The following MYH15 variants were observed in gnomAD, a reference collection of about 807,000 sequenced individuals.
MYH15 encodes myosin heavy chain 15.
Under a neutral mutation model 240.5 loss-of-function variants are expected in MYH15, and 227 were observed. That is an observed-to-expected ratio of 0.94 (90% CI 0.85 to 1.05). The LOEUF is 1.05. MYH15 is among the 50% of genes least tolerant of loss of function. The pLI is 0.00. For synonymous variants in MYH15, 785 were observed against 796.7 expected, an observed-to-expected ratio of 0.99 and a Z score of 0.25; for missense variants, 2,217 against 2,247.5, an observed-to-expected ratio of 0.99 and a Z score of 0.27.
chr3:108,492,736 C>T (rs2083361102), intron 8 of MYH15, 141 bp from the exon 9 acceptor site: 2 of 619,448 alleles, frequency 3.2e-6, no homozygotes, highest in Admixed American at 5.7e-5. Context: ...CACTTGAGGC[C>T]AGGAGTTTGA....
At chr3:108,437,458 T>A (rs2082848666) in intron 25 of MYH15, 96 bp downstream of exon 25, 2 of 1,443,108 alleles carry the variant, frequency 1.4e-6, no homozygotes, top group South Asian at 1.5e-5. Flanking sequence ...TCTTGAGCTA[T>A]CTGGCCCTGG....
At chr3:108,499,522 G>T (rs201030818) in intron 4 of MYH15, 40 bp from the exon 5 acceptor site, 2 of 1,573,874 alleles carry the variant, frequency 1.3e-6, no homozygotes, top group South Asian at 1.1e-5. Flanking sequence ...TCTTATATTC[G>T]ATATTTATGT....
intron 9 of MYH15, among the ~76,000 whole-genome samples, chr3:108,487,195 A>C (rs1182924167): frequency 6.6e-6 from 1 of 152,248 alleles, no homozygotes; most frequent in Non-Finnish European, 1.5e-5. Context: ...CTGACTTGGC[A>C]GAATCACATT....
chr3:108,434,911 A>C (rs2082818691), intron 25 of MYH15, among the ~76,000 whole-genome samples: 1 of 152,242 alleles, frequency 6.6e-6, no homozygotes, highest in Non-Finnish European at 1.5e-5. Context: ...TTTTCTTAGA[A>C]AATAGATTAC....
chr3:108,487,707 T>A (rs760738945), intron 9 of MYH15, among the ~76,000 whole-genome samples: 13 of 152,176 alleles, frequency 8.5e-5, no homozygotes, highest in Non-Finnish European at 1.8e-4. Flanking sequence ...AAAGTATACA[T>A]GCATTATGTT....
intron 3 of MYH15, among the ~76,000 whole-genome samples, chr3:108,501,227 T>C (rs979176630): frequency 6.6e-6 from 1 of 152,206 alleles, no homozygotes; most frequent in Non-Finnish European, 1.5e-5. Context: ...TTCTGCTGCA[T>C]AGGTTTTGAG....
chr3:108,407,702 G>GA (rs898083630), intron 32 of MYH15, among the ~76,000 whole-genome samples: 24 of 152,046 alleles, frequency 1.6e-4, no homozygotes, highest in East Asian at 5.8e-4. Flanking sequence ...AGTTTTTGGG[G>GA]AAAAAAAATT....
At chr3:108,440,837 T>C (rs16854625) in intron 23 of MYH15, among the ~76,000 whole-genome samples, 181 bp downstream of exon 23, 13,554 of 152,178 alleles carry the variant, frequency 0.089, 1,441 homozygotes, top group East Asian at 0.57. Context: ...ATTGGAAATC[T>C]GAATTGGGAC....
At chr3:108,433,303 G>C (rs766956978) in intron 25 of MYH15, among the ~76,000 whole-genome samples, 1 of 152,172 alleles carries the variant, frequency 6.6e-6, no homozygotes, top group African/African-American at 2.4e-5. Flanking sequence ...CCCAGTGCCT[G>C]TACCCCCATT....
upstream of MYH15, among the ~76,000 whole-genome samples, chr3:108,515,308 T>C (rs1226247787): frequency 6.6e-6 from 1 of 152,170 alleles, no homozygotes. Context: ...TGTGGTCACA[T>C]GGTGCCACAT....
chr3:108,403,139 T>C (rs904026495), intron 33 of MYH15, among the ~76,000 whole-genome samples: 3 of 152,200 alleles, frequency 2.0e-5, no homozygotes, highest in African/African-American at 7.2e-5. Flanking sequence ...ACATATCACA[T>C]ACATACCAGC....
Position 108,444,678 on chromosome 3 carries a change from T to G in MYH15, c.2617A>C (p.Thr873Pro), listed in dbSNP as rs748263267. 6.2e-7 allele frequency: 1 copy of G among 1,614,058 alleles called. No homozygotes were observed. Among genetic ancestry groups the G allele is most frequent in the Non-Finnish European group, 8.5e-7 (1 of 1,179,950 alleles). Residue 873 changes from threonine to proline, a missense_variant, in exon 22 of 41, where the codon ACT becomes CCT. Physicochemically the swap from Thr to Pro is conservative, Grantham distance 38. Transcript: ENST00000693548. ...AGAATCAGGTCATTTTTTTCCTGAGTGAGGGATACTTGCTTTGCTTTCAGT... is the reference window on the plus strand; with the variant it reads ...AGAATCAGGTCATTTTTTTCCTGAGGGAGGGATACTTGCTTTGCTTTCAGT... ...EELKAKQVSL[T>P]QEKNDLILQL...
At chr3:108,455,908 C>G (rs375011426) in intron 19 of MYH15, 49 bp from the exon 20 acceptor site, 5 of 1,541,870 alleles carry the variant, frequency 3.2e-6, no homozygotes, top group Admixed American at 1.7e-5. Context: ...TCATATTATT[C>G]AAATAAAGAC....
At chr3:108,430,056 T>G (rs1209985375) in intron 26 of MYH15, among the ~76,000 whole-genome samples, 1 of 152,194 alleles carries the variant, frequency 6.6e-6, no homozygotes, top group East Asian at 1.9e-4. Context: ...CAAGAGTCAT[T>G]TGAAGACAAG....
intron 25 of MYH15, 143 bp downstream of exon 25, chr3:108,437,411 A>G (rs564636349): frequency 1.8e-4 from 194 of 1,098,512 alleles, no homozygotes; most frequent in Non-Finnish European, 2.4e-4. Flanking sequence ...TAAAGAAAAA[A>G]AAAATTGTTT....
chr3:108,410,101 C>T (rs970415062), intron 31 of MYH15, among the ~76,000 whole-genome samples: 3 of 152,108 alleles, frequency 2.0e-5, no homozygotes, highest in African/African-American at 7.2e-5. Flanking sequence ...AACTTATGAC[C>T]TATATAACCT....
In MYH15 at chr3:108,381,559, C is replaced by A. The variant is rs201226192; in HGVS notation, c.5767G>T (p.Val1923Phe). Residue 1923 changes from valine (V) to phenylalanine (F), a missense_variant and splice_region_variant, in exon 41 of 41, where the codon GTT (valine) becomes TTT (phenylalanine). Physicochemically the swap from Val to Phe is conservative, Grantham distance 50 (BLOSUM62 -1). Coordinates refer to ENST00000693548, the MANE Select transcript of MYH15 (RefSeq NM_014981.3). Reference protein sequence around the residue: ...KIKAREFGKKVQEE With the variant: ...KIKAREFGKKFQEE Reference sequence around the variant, plus strand: ...AGCAGGGGATGCTATTCTTCTTGAACCTGAAAAACAGAATGTCAGTGTGTT... The same window carrying A: ...AGCAGGGGATGCTATTCTTCTTGAAACTGAAAAACAGAATGTCAGTGTGTT... 3.4e-4 allele frequency: 541 copies of A among 1,613,798 alleles called. 2 individuals carry two copies. In the African/African-American group the frequency reaches 6.5e-3, roughly 20 times the overall value.
chr3:108,428,631 T>C lies in MYH15; in HGVS notation c.3563A>G (p.His1188Arg), dbSNP rs1287455788. Residue 1188 changes from histidine to arginine, a missense_variant, in exon 27 of 41, where the codon CAT becomes CGT. Coordinates refer to ENST00000693548, the MANE Select transcript of MYH15 (RefSeq NM_014981.3). ...ETTSASLKKR[H>R]ADSLAELEGQ... ...CTCGAGCTCAGCCAGGCTGTCTGCA[T>C]GTCTCTTCTTCAAAGATGCAGAAGT... 6.2e-7 allele frequency: 1 copy of C among 1,613,830 alleles called. No homozygotes were observed. Among genetic ancestry groups the C allele is most frequent in the African/African-American group, 1.3e-5 (1 of 74,842 alleles).
intron 1 of MYH15, among the ~76,000 whole-genome samples, chr3:108,520,447 C>T (rs959856526): frequency 6.6e-6 from 1 of 152,124 alleles, no homozygotes; most frequent in African/African-American, 2.4e-5. Flanking sequence ...AGACTTTATA[C>T]ACTCTTGTCA....
Sources: gnomAD v4.1 joint callset for allele counts (sites outside exome capture counted in the v4.1 genomes callset) on GRCh38, gnomAD v4.1.1 for gene constraint, MANE v1.5 for transcripts, NCBI Gene and HGNC (gene_info 2026-07-23, HGNC 2026-07-21) for gene names.